The following GRPR variants were observed in gnomAD, a reference collection of about 807,000 sequenced individuals.
GRPR encodes the protein gastrin-releasing peptide receptor.
A neutral mutation model predicts 15.6 loss-of-function variants in GRPR; 4 were observed. That is an observed-to-expected ratio of 0.26 (90% confidence interval 0.13 to 0.59). The LOEUF (loss-of-function observed/expected upper bound fraction) is 0.59. GRPR is among the 20% of genes least tolerant of loss of function. The pLI, the probability that GRPR is intolerant of heterozygous loss-of-function variation, is 0.90. For missense variants in GRPR, 270 were observed against 304.1 expected (o/e 0.89, Z 0.83); for synonymous variants, 128 against 126.8 (o/e 1.01, Z -0.06).
rs759424231 is a variant in GRPR, at chrX:16,151,708, A to G, written c.766-548A>G. Among the ~76,000 whole-genome samples, 4 of 112,310 alleles carry G rather than the reference A, an allele frequency of 3.6e-5. No homozygotes were observed. The South Asian group carries it at 1.5e-3, about 42-fold the overall frequency. On this transcript the variant is annotated intron_variant, in intron 2 of 2. Transcript: ENST00000380289. ...TCTTTCTATAGACTATAGTCCAGAGATAACTCAAGATTTTAAAATCATAAT... is the reference window on the plus strand; with the variant it reads ...TCTTTCTATAGACTATAGTCCAGAGGTAACTCAAGATTTTAAAATCATAAT...
At chrX:16,148,741 T>G (rs910070735) in intron 1 of GRPR, among the ~76,000 whole-genome samples, 2 of 111,278 alleles carry the variant, frequency 1.8e-5, no homozygotes, top group East Asian at 5.7e-4. Flanking sequence ...GACATACTCT[T>G]TGCCCACCAA....
chrX:16,142,681 ACTTT>A (rs1361822362), intron 1 of GRPR, among the ~76,000 whole-genome samples: 2 of 111,430 alleles, frequency 1.8e-5, no homozygotes, highest in East Asian at 5.6e-4. Context: ...ATTTGTTATT[ACTTT>A]CTTAAAGCTC....
At chrX:16,149,771 G>T (rs1922665052) in intron 1 of GRPR, among the ~76,000 whole-genome samples, 1 of 110,352 alleles carries the variant, frequency 9.1e-6, no homozygotes, top group East Asian at 2.8e-4. Flanking sequence ...TTTCTAAGAG[G>T]TATTCTTAAA....
intron 1 of GRPR, among the ~76,000 whole-genome samples, chrX:16,128,516 A>AAATAATAAT (rs397896578): frequency 1.8e-4 from 20 of 110,454 alleles, no homozygotes; most frequent in Non-Finnish European, 3.4e-4. Flanking sequence ...CTCCATCCCA[A>AAATAATAAT]AATAATAATA....
chrX:16,124,926 C>T (rs1480635590), intron 1 of GRPR, among the ~76,000 whole-genome samples: 2 of 112,340 alleles, frequency 1.8e-5, no homozygotes, highest in East Asian at 2.8e-4. Flanking sequence ...AATTGTATGC[C>T]GGTTTTCCTA....
chrX:16,135,646 T>C (rs1922436882), intron 1 of GRPR, among the ~76,000 whole-genome samples: 1 of 112,429 alleles, frequency 8.9e-6, no homozygotes, highest in Non-Finnish European at 1.9e-5. Flanking sequence ...GTGGTGGTGA[T>C]TTTTTAATTG....
intron 1 of GRPR, among the ~76,000 whole-genome samples, chrX:16,126,057 G>A (rs1454204403): frequency 1.8e-5 from 2 of 111,637 alleles, no homozygotes; most frequent in African/African-American, 6.5e-5. Flanking sequence ...TAAAGATGCA[G>A]CTGCAGGGAA....
chrX:16,129,435 T>C (rs1428294737), intron 1 of GRPR, among the ~76,000 whole-genome samples: 3 of 111,806 alleles, frequency 2.7e-5, no homozygotes, highest in African/African-American at 9.8e-5. Flanking sequence ...GGCTACTCTA[T>C]TGGGCAGTGG....
chrX:16,136,586 C>T lies in GRPR; in HGVS notation c.413+12220C>T, dbSNP rs144693909. On this transcript the variant is annotated intron_variant, in intron 1 of 2. Coordinates refer to ENST00000380289, the MANE Select transcript of GRPR (RefSeq NM_005314.3). ...ATCACAAATTAATAAGTCTAACAGA[C>T]GGTGCTGTGTGAGATGGAAAATGAG... Among the ~76,000 whole-genome samples the T allele has an allele frequency of 1.4e-4, 16 of 112,063 alleles. No individual in the cohort carries two copies. In the East Asian group the frequency reaches 3.4e-3, roughly 24 times the overall value.
At chrX:16,143,973 G>C (rs751835919) in intron 1 of GRPR, among the ~76,000 whole-genome samples, 1 of 112,172 alleles carries the variant, frequency 8.9e-6, no homozygotes, top group Admixed American at 9.4e-5. Flanking sequence ...ACAACTAGTT[G>C]GGAGAATCAC....
At chrX:16,140,667 C>T (rs1601944735) in intron 1 of GRPR, among the ~76,000 whole-genome samples, 1 of 112,088 alleles carries the variant, frequency 8.9e-6, no homozygotes, top group East Asian at 2.8e-4. Context: ...AGTTCTGGAA[C>T]GTGTTAACTG....
chrX:16,143,388 G>C (rs917383943), intron 1 of GRPR, among the ~76,000 whole-genome samples: 14 of 112,875 alleles, frequency 1.2e-4, no homozygotes, highest in Non-Finnish European at 2.2e-4. Flanking sequence ...GAATCATTGA[G>C]GTTTTCCAAG....
At position 16,150,773 on chromosome X, in the gene GRPR, G is replaced by A. The variant is rs1482007387; in HGVS notation, c.765+117G>A. 9.6e-6 allele frequency: 5 copies of A among 520,645 alleles called. No individual in the cohort carries two copies. In the African/African-American group the frequency reaches 1.2e-4, roughly 12 times the overall value. 42.9% of individuals were successfully genotyped at this position (520,645 alleles called of 1,213,427 possible). ...TGCAATTAGATGAGGTGGGTGATGT[G>A]TGGCCAGATGCTAAATGGAAATGCC... On this transcript the variant is annotated intron_variant, in intron 2 of 2. Transcript: ENST00000380289.
At chrX:16,128,870 C>T (rs764136111) in intron 1 of GRPR, among the ~76,000 whole-genome samples, 55 of 111,873 alleles carry the variant, frequency 4.9e-4, no homozygotes, top group Non-Finnish European at 9.6e-4. Context: ...GTGCTAGGTG[C>T]CTCATTATTA....
At chrX:16,149,722 T>C (rs1025195228) in intron 1 of GRPR, among the ~76,000 whole-genome samples, 8 of 109,828 alleles carry the variant, frequency 7.3e-5, no homozygotes, top group African/African-American at 2.6e-4. Flanking sequence ...TGTTATTAAT[T>C]TCTATGATTT....
chrX:16,136,151 G>A (rs918868580), intron 1 of GRPR, among the ~76,000 whole-genome samples: 1 of 111,740 alleles, frequency 8.9e-6, no homozygotes, highest in Non-Finnish European at 1.9e-5. Context: ...CTGGCTGTGG[G>A]ACTTCTCTGG....
rs777789493 is a variant in GRPR, at chrX:16,152,405, C to A, written c.915C>A (p.Ile305=). ...CCATGCTCCACTTTGTCACCAGCAT[C>A]TGTGCCCGCCTCCTGGCCTTCACCA... ...DTSMLHFVTS[I]CARLLAFTNS... is the part of the protein sequence containing the mutation. The change falls in exon 3 of 3, where the codon ATC becomes ATA. Residue 305 remains isoleucine, a synonymous_variant. Transcript: ENST00000380289. The A allele has an allele frequency of 1.7e-6, 2 of 1,211,059 alleles. No individual in the cohort carries two copies. Among genetic ancestry groups the A allele is most frequent in the Admixed American group, 4.3e-5 (2 of 46,041 alleles).
intron 1 of GRPR, among the ~76,000 whole-genome samples, chrX:16,141,664 A>G (rs5980233): frequency 0.014 from 1,614 of 112,611 alleles, 24 homozygotes; most frequent in African/African-American, 0.049. Context: ...TTCTGGGACA[A>G]TGAACCCCAA....
chrX:16,152,754 C>A lies in GRPR; in HGVS notation c.*109C>A. 1 of 644,478 alleles carries A rather than the reference C, an allele frequency of 1.6e-6. No individual in the cohort carries two copies. The highest frequency in any genetic ancestry group is 2.6e-6 in the Non-Finnish European group (1 of 389,307). 53.1% of individuals were successfully genotyped at this position (644,478 alleles called of 1,213,427 possible). A position where few individuals can be genotyped will look rare whatever the true frequency, so the allele number is the denominator to read the frequency against. On this transcript the variant is annotated 3_prime_UTR_variant, in exon 3 of 3. Transcript: ENST00000380289. ...CCTCCAAAGAGCCTTCAGAATGCTC[C>A]TGAGTGGTGTAGGTGGGGGTGGGGA... is the stretch of plus-strand genomic sequence containing the variant.
Sources: gnomAD v4.1 joint callset for allele counts (sites outside exome capture counted in the v4.1 genomes callset) on GRCh38, gnomAD v4.1.1 for gene constraint, MANE v1.5 for transcripts, NCBI Gene and HGNC (gene_info 2026-07-23, HGNC 2026-07-21) for gene names.